Variants in NFYC observed in about 807,000 individuals in gnomAD.
NFYC encodes CAAT box DNA-binding protein subunit C.
A neutral mutation model predicts 53.1 loss-of-function variants in NFYC; 25 were observed. The observed-to-expected ratio is 0.47, with a 90% confidence interval of 0.34 to 0.66. The LOEUF (loss-of-function observed/expected upper bound fraction) is 0.66. Among genes scored for constraint, NFYC ranks in the 30% least tolerant of loss-of-function variants. NFYC has a pLI of 0.01. For synonymous variants in NFYC, 145 were observed against 152.6 expected (o/e 0.95, Z 0.37); for missense variants, 260 against 422.7 (o/e 0.62, Z 3.38).
intron 1 of NFYC, among the ~76,000 whole-genome samples, chr1:40,695,419 GGTTTT>G (rs957960754): frequency 3.9e-5 from 6 of 152,004 alleles, no homozygotes; most frequent in African/African-American, 9.7e-5. Flanking sequence ...TCTTGTTTTG[GGTTTT>G]GTTTTGTTTT....
chr1:40,706,536 A>G (rs1643699652), intron 1 of NFYC, among the ~76,000 whole-genome samples: 1 of 152,166 alleles, frequency 6.6e-6, no homozygotes, highest in African/African-American at 2.4e-5. Flanking sequence ...TCTACCTAGC[A>G]AAACAATTGT....
In NFYC at chr1:40,738,928, G is replaced by A. The variant is rs764054944; in HGVS notation, c.85G>A (p.Glu29Lys). 12 of 1,613,516 alleles carry A rather than the reference G, an allele frequency of 7.4e-6. No individual in the cohort carries two copies. The highest frequency in any genetic ancestry group is 1.0e-5 in the Non-Finnish European group (12 of 1,179,402). Residue 29 changes from glutamate to lysine, a missense_variant, in exon 2 of 10, where the codon GAA becomes AAA. Transcript: ENST00000447388. ...GTCGTTCTGGCCTCGGGTCATGGAA[G>A]AAATCCGGAATTTAACAGTGGTGAG... Reference protein sequence around the residue: ...LQSFWPRVMEEIRNLTVKDFR... With the variant: ...LQSFWPRVMEKIRNLTVKDFR...
At chr1:40,739,143 C>T (rs1645208428) in intron 2 of NFYC, among the ~76,000 whole-genome samples, 195 bp downstream of exon 2, 1 of 152,100 alleles carries the variant, frequency 6.6e-6, no homozygotes, top group Non-Finnish European at 1.5e-5. Flanking sequence ...TCTTTTATAT[C>T]TCAGTGTTCT....
chr1:40,767,592 T>G (rs567500572), intron 8 of NFYC, among the ~76,000 whole-genome samples: 25 of 152,282 alleles, frequency 1.6e-4, no homozygotes, highest in African/African-American at 6.0e-4. Flanking sequence ...AGCCCCTCTT[T>G]TTAACCTCAT....
rs1321637648 is a variant in NFYC at position 40,762,961 on chromosome 1, C to T, written c.635C>T (p.Ala212Val). 6.2e-7 allele frequency: 1 copy of T among 1,611,842 alleles called. No individual in the cohort carries two copies. Among genetic ancestry groups the T allele is most frequent in the Admixed American group, 1.7e-5 (1 of 59,798 alleles). ...QIVQAQPQGQ[A>V]QQAQSGTGQT... Reference sequence around the variant, plus strand: ...GTCCAGGCTCAGCCACAGGGTCAAGCCCAACAGGCCCAGAGTGGCACTGGA... The same window carrying T: ...GTCCAGGCTCAGCCACAGGGTCAAGTCCAACAGGCCCAGAGTGGCACTGGA... Residue 212 changes from alanine to valine, a missense_variant, in exon 7 of 10, where the codon GCC becomes GTC. Transcript: ENST00000447388.
chr1:40,741,114 CTATTTTTGA>C (rs921949392), intron 2 of NFYC, among the ~76,000 whole-genome samples: 13 of 152,236 alleles, frequency 8.5e-5, no homozygotes, highest in African/African-American at 1.9e-4. Flanking sequence ...ATGAATTTGA[CTATTTTTGA>C]TACCTCATAG....
At chr1:40,727,128 G>T (rs1022982247) in intron 1 of NFYC, among the ~76,000 whole-genome samples, 1 of 152,182 alleles carries the variant, frequency 6.6e-6, no homozygotes, top group African/African-American at 2.4e-5. Flanking sequence ...CATCCAGGAG[G>T]ATTGGAATCA....
chr1:40,763,761 C>G (rs1450768708), intron 7 of NFYC, among the ~76,000 whole-genome samples: 1 of 152,194 alleles, frequency 6.6e-6, no homozygotes, highest in African/African-American at 2.4e-5. Context: ...TTCCTTTAAT[C>G]TAGGTTCAGG....
At position 40,771,028 on chromosome 1, in the gene NFYC, C is replaced by G. The variant is rs1647061501; in HGVS notation, c.*200C>G. ...GCAATATTTTTTGTTTCCTTTTTTT[C>G]CATTTTTTTCTCTAAGGAATCAATA... On this transcript the variant is annotated 3_prime_UTR_variant, in exon 10 of 10. Coordinates refer to ENST00000447388, the MANE Select transcript of NFYC (RefSeq NM_014223.5). The G allele has an allele frequency of 3.3e-6, 2 of 600,058 alleles. No homozygotes were observed. The highest frequency in any genetic ancestry group is 3.0e-5 in the Admixed American group (1 of 33,574). The allele number at this position is 600,058 out of a possible 1,614,324, so 37.2% of individuals were successfully genotyped here.
intron 1 of NFYC, among the ~76,000 whole-genome samples, chr1:40,711,920 T>C (rs2148455457): frequency 6.6e-6 from 1 of 152,342 alleles, no homozygotes; most frequent in Middle Eastern, 3.4e-3. Flanking sequence ...CCCACTCACC[T>C]TTATCACCAG....
At chr1:40,737,658 G>A (rs1012323245) in intron 1 of NFYC, among the ~76,000 whole-genome samples, 18 of 151,844 alleles carry the variant, frequency 1.2e-4, no homozygotes, top group Non-Finnish European at 1.0e-4. Context: ...TGTCTTTAAG[G>A]CTTCCAGTTG....
In NFYC at chr1:40,701,525, A is replaced by G. The variant is rs138126174; in HGVS notation, c.-9+9658A>G. Among the ~76,000 whole-genome samples, 20 of 152,274 alleles carry G rather than the reference A, an allele frequency of 1.3e-4. No homozygotes were observed. In the East Asian group the frequency reaches 3.7e-3, roughly 28 times the overall value. ...GTTCACTTTGTCTATCTTGGTTTTT[A>G]TTCTTAGGATTTTAATTCTCCTAAG... On this transcript the variant is annotated intron_variant, in intron 1 of 9. Transcript: ENST00000447388.
chr1:40,699,938 G>C (rs1378606550), intron 1 of NFYC, among the ~76,000 whole-genome samples: 1 of 152,196 alleles, frequency 6.6e-6, no homozygotes, highest in Non-Finnish European at 1.5e-5. Context: ...CCCTTCAAGA[G>C]GGAAGATACA....
At chr1:40,692,537 T>C (rs936541857) in intron 1 of NFYC, among the ~76,000 whole-genome samples, 1 of 152,100 alleles carries the variant, frequency 6.6e-6, no homozygotes, top group Non-Finnish European at 1.5e-5. Context: ...TGACCCAGTT[T>C]GGAAGTGGCC....
intron 1 of NFYC, among the ~76,000 whole-genome samples, chr1:40,719,574 A>T (rs1410487510): frequency 6.6e-6 from 1 of 152,222 alleles, no homozygotes; most frequent in East Asian, 1.9e-4. Context: ...AGCAAGCTTG[A>T]AAACCTTAAG....
intron 1 of NFYC, chr1:40,721,465 T>C (rs978051647): frequency 6.6e-6 from 1 of 152,216 alleles, no homozygotes; most frequent in African/African-American, 2.4e-5. Flanking sequence ...CTCTACCCTC[T>C]AACATAAACA....
At chr1:40,736,461 A>G (rs528914470) in intron 1 of NFYC, among the ~76,000 whole-genome samples, 84 of 152,156 alleles carry the variant, frequency 5.5e-4, no homozygotes, top group Non-Finnish European at 1.1e-3. Flanking sequence ...TCATGTGACA[A>G]CTGGCTTTGG....
rs1172021617 is a variant in NFYC at position 40,766,525 on chromosome 1, T to C, written c.721-71T>C. ...GGTAGGGGGCAATCAACATCTCTGG[T>C]CATGGAAAGTTTGCCTGTTTGAGAT... On this transcript the variant is annotated intron_variant, in intron 7 of 9. Coordinates refer to ENST00000447388, the MANE Select transcript of NFYC (RefSeq NM_014223.5). 9.6e-6 allele frequency: 11 copies of C among 1,148,212 alleles called. No homozygotes were observed. The Admixed American group carries it at 1.5e-4, about 16-fold the overall frequency. The allele number at this position is 1,148,212 out of a possible 1,614,324, so 71.1% of individuals were successfully genotyped here. A position where few individuals can be genotyped will look rare whatever the true frequency, so the allele number is the denominator to read the frequency against.
At chr1:40,712,474 G>A (rs1185638056) in intron 1 of NFYC, 2 of 152,040 alleles carry the variant, frequency 1.3e-5, no homozygotes, top group South Asian at 2.1e-4. Context: ...ATGCAGGTAA[G>A]TTGTAATGGT....
Sources: allele counts gnomAD v4.1 joint callset (sites outside exome capture counted in the v4.1 genomes callset), GRCh38; gene constraint gnomAD v4.1.1; transcripts MANE v1.5; gene names NCBI Gene and HGNC (gene_info 2026-07-23, HGNC 2026-07-21).